The following OPTN variants were observed in gnomAD, a reference collection of about 807,000 sequenced individuals.
OPTN encodes optineurin.
Under a neutral mutation model 70.4 loss-of-function variants are expected in OPTN, and 54 were observed. The observed-to-expected ratio is 0.77, with a 90% confidence interval of 0.62 to 0.96. The LOEUF (loss-of-function observed/expected upper bound fraction) is 0.96, where lower values mean the gene tolerates loss of function less well. Among genes scored for constraint, OPTN ranks in the 40% least tolerant of loss-of-function variants. The pLI is 0.00. For synonymous variants in OPTN, 256 were observed against 248.5 expected (o/e 1.03, Z -0.28); for missense variants, 624 against 673.2 (o/e 0.93, Z 0.81).
At chr10:13,119,463 C>T (rs1310622562) in intron 7 of OPTN, among the ~76,000 whole-genome samples, 9 of 152,134 alleles carry the variant, frequency 5.9e-5, no homozygotes, top group Admixed American at 5.2e-4. Flanking sequence ...AGTTGATAAA[C>T]ATTAGAGTTG....
At chr10:13,108,967 A>C (rs1007701621) in intron 2 of OPTN, 145 bp from the exon 3 acceptor site, 1 of 782,186 alleles carries the variant, frequency 1.3e-6, no homozygotes, top group Non-Finnish European at 2.3e-6. Flanking sequence ...AAAAGGAAGA[A>C]TCAAAAATGT....
chr10:13,108,703 A>T (rs893964284), intron 2 of OPTN, among the ~76,000 whole-genome samples: 5 of 151,988 alleles, frequency 3.3e-5, no homozygotes, highest in African/African-American at 1.2e-4. Flanking sequence ...CCCAACACCA[A>T]GCCCGGCTAA....
intron 1 of OPTN, among the ~76,000 whole-genome samples, chr10:13,102,399 T>C (rs889176392): frequency 6.6e-6 from 1 of 152,204 alleles, no homozygotes; most frequent in Non-Finnish European, 1.5e-5. Flanking sequence ...AAAGAAACCA[T>C]GAGGGCAAGA....
intron 13 of OPTN, 150 bp downstream of exon 13, chr10:13,132,347 T>G (rs1261841339): frequency 7.9e-6 from 5 of 635,140 alleles, no homozygotes; most frequent in Non-Finnish European, 1.3e-5. Context: ...GTCCCCTGTC[T>G]GAAAAATAAA....
chr10:13,133,350 T>C, intron 13 of OPTN, 152 bp from the exon 14 acceptor site: 1 of 674,132 alleles, frequency 1.5e-6, no homozygotes, highest in Non-Finnish European at 2.7e-6. Context: ...CTAGTGCCAA[T>C]AGTATTTAAA....
At chr10:13,112,316 C>T in intron 4 of OPTN, 137 bp from the exon 5 acceptor site, 1 of 787,836 alleles carries the variant, frequency 1.3e-6, no homozygotes, top group Non-Finnish European at 2.2e-6. Context: ...GCTATGTTGC[C>T]CAGGCTGGTC....
chr10:13,135,310 G>A (rs762624656), intron 14 of OPTN, among the ~76,000 whole-genome samples: 3 of 152,046 alleles, frequency 2.0e-5, no homozygotes, highest in South Asian at 4.1e-4. Flanking sequence ...GGCTTATTTC[G>A]AACATGCTCT....
intron 3 of OPTN, 21 bp from the exon 4 acceptor site, chr10:13,110,253 A>G: frequency 1.9e-6 from 3 of 1,612,756 alleles, no homozygotes; most frequent in Non-Finnish European, 2.5e-6. Flanking sequence ...GTGTGACTCC[A>G]TCACTCTGAA....
intron 14 of OPTN, among the ~76,000 whole-genome samples, chr10:13,136,474 C>T (rs936579105): frequency 7.4e-6 from 1 of 134,986 alleles, no homozygotes. Context: ...TGCCACTGCC[C>T]TCCAGCCTGG....
chr10:13,108,908 G>GC, intron 2 of OPTN: 1 of 453,654 alleles, frequency 2.2e-6, no homozygotes, highest in Non-Finnish European at 4.1e-6. Flanking sequence ...ACACATGCGC[G>GC]TGCACACACA....
chr10:13,102,138 G>C (rs1423205480), intron 1 of OPTN, among the ~76,000 whole-genome samples: 1 of 152,206 alleles, frequency 6.6e-6, no homozygotes, highest in East Asian at 1.9e-4. Flanking sequence ...TCCAGTGGAA[G>C]TTTGCCAGGA....
At chr10:13,128,528 TTTTTTTG>T (rs1833521631) in intron 12 of OPTN, among the ~76,000 whole-genome samples, 6 of 138,834 alleles carry the variant, frequency 4.3e-5, no homozygotes, top group African/African-American at 1.6e-4. Context: ...TTTTTTTTTT[TTTTTTTG>T]GTTTGGTTTG....
intron 5 of OPTN, among the ~76,000 whole-genome samples, chr10:13,113,989 TG>T (rs1833067044): frequency 1.3e-5 from 2 of 151,964 alleles, no homozygotes; most frequent in East Asian, 3.9e-4. Flanking sequence ...CACTTGAACC[TG>T]GGAGTTTGAG....
At chr10:13,110,107 G>A in intron 3 of OPTN, 167 bp from the exon 4 acceptor site, 2 of 1,295,538 alleles carry the variant, frequency 1.5e-6, no homozygotes, top group Non-Finnish European at 2.1e-6. Flanking sequence ...AGTCTTTTCT[G>A]TAAGCAAAAA....
intron 6 of OPTN, among the ~76,000 whole-genome samples, chr10:13,117,814 C>T (rs374141092): frequency 5.3e-5 from 8 of 152,142 alleles, no homozygotes; most frequent in African/African-American, 1.9e-4. Flanking sequence ...ACTTACAAAA[C>T]GTGAAAAAAA....
intron 14 of OPTN, among the ~76,000 whole-genome samples, chr10:13,136,400 C>T (rs1833700092): frequency 6.9e-6 from 1 of 145,560 alleles, no homozygotes; most frequent in Non-Finnish European, 1.5e-5. Flanking sequence ...CCCAGCTACT[C>T]AGGAGGCCAA....
chr10:13,115,776 T>A (rs1007651382), intron 5 of OPTN, among the ~76,000 whole-genome samples: 2 of 151,296 alleles, frequency 1.3e-5, no homozygotes, highest in Non-Finnish European at 2.9e-5. Context: ...AAGTGACCTG[T>A]GGTGCATACA....
intron 1 of OPTN, among the ~76,000 whole-genome samples, chr10:13,103,742 G>GCACACACAGA (rs1564351655): frequency 1.5e-5 from 1 of 64,794 alleles, no homozygotes; most frequent in Non-Finnish European, 6.2e-5. Flanking sequence ...ACACACACAT[G>GCACACACAGA]CACACACACA....
chr10:13,108,902 A>ATGCG (rs935794137), intron 2 of OPTN: 1 of 477,380 alleles, frequency 2.1e-6, no homozygotes, highest in African/African-American at 2.2e-5. Flanking sequence ...ACATGCACAC[A>ATGCG]TGCGCGTGCA....
Sources: gnomAD v4.1 joint callset for allele counts (sites outside exome capture counted in the v4.1 genomes callset) on GRCh38, gnomAD v4.1.1 for gene constraint, MANE v1.5 for transcripts, NCBI Gene and HGNC (gene_info 2026-07-23, HGNC 2026-07-21) for gene names.